KLHDC4: variants seen among roughly 807,000 people sequenced by gnomAD.
KLHDC4 encodes kelch domain containing 4, also known as kelch domain-containing protein 4.
In KLHDC4, 90 loss-of-function variants were observed where a neutral mutation model predicts 62.4. The observed-to-expected ratio is 1.44, with a 90% CI of 1.22 to 1.72. The LOEUF (loss-of-function observed/expected upper bound fraction) is 1.72, where lower values mean the gene tolerates loss of function less well. KLHDC4 is among the 40% of genes most tolerant of loss of function. The pLI is 0.00. For missense variants in KLHDC4, 1,025 were observed against 699.7 expected, an observed-to-expected ratio of 1.47 and a Z score of -5.25; for synonymous variants, 386 against 284.4, an observed-to-expected ratio of 1.36 and a Z score of -3.59.
At chr16:87,706,229 G>GGC (rs1555548183), downstream of KLHDC4, among the ~76,000 whole-genome samples, 1 of 103,764 alleles carries the variant, frequency 9.6e-6, no homozygotes, top group Non-Finnish European at 2.0e-5. Context: ...CCTCGGGGGG[G>GGC]GGTCAGCGCA....
Position 87,730,651 on chromosome 16 carries a change from T to C in KLHDC4, c.507-7A>G. 1 of 1,610,414 alleles carries C rather than the reference T, an allele frequency of 6.2e-7. No homozygotes were observed. The highest frequency in any genetic ancestry group is 8.5e-7 in the Non-Finnish European group (1 of 1,178,562). On this transcript the variant is annotated splice_region_variant and splice_polypyrimidine_tract_variant and intron_variant, in intron 5 of 11. Transcript: ENST00000270583. ...CGAAGGACCGCCTGTTGATCTAAAA[T>C]GAAATAAACAAAAAGACACTATCAA...
At chr16:87,761,819 C>T (rs1332738183) in intron 2 of KLHDC4, 130 bp downstream of exon 2, 3 of 906,768 alleles carry the variant, frequency 3.3e-6, no homozygotes, top group Non-Finnish European at 5.3e-6. Context: ...AGAAAGTGAC[C>T]AAGAACAGGT....
In KLHDC4 at chr16:87,708,052, C is replaced by G; in HGVS notation, c.*25G>C. 1 of 540,352 alleles carries G rather than the reference C, an allele frequency of 1.9e-6. No individual in the cohort carries two copies. The highest frequency in any genetic ancestry group is 2.8e-4 in the Middle Eastern group (1 of 3,562). 33.5% of individuals were successfully genotyped at this position (540,352 alleles called of 1,614,324 possible). A position where few individuals can be genotyped will look rare whatever the true frequency, so the allele number is the denominator to read the frequency against. ...GGGCGGACGTGGGCACAGCACTTGCCAGGCGCCCCTGGCAGGGGCTCTTCT... is the reference window on the plus strand; with the variant it reads ...GGGCGGACGTGGGCACAGCACTTGCGAGGCGCCCCTGGCAGGGGCTCTTCT... On this transcript the variant is annotated 3_prime_UTR_variant, in exon 12 of 12. Coordinates refer to ENST00000270583, the MANE Select transcript of KLHDC4 (RefSeq NM_017566.4).
At chr16:87,743,506 G>A (rs543542351) in intron 5 of KLHDC4, among the ~76,000 whole-genome samples, 11 of 152,082 alleles carry the variant, frequency 7.2e-5, no homozygotes, top group Admixed American at 6.5e-4. Context: ...TTGGGAGGCC[G>A]AGGTGGGTGG....
intron 4 of KLHDC4, among the ~76,000 whole-genome samples, chr16:87,749,912 G>T (rs1203719200): frequency 6.6e-6 from 1 of 152,214 alleles, no homozygotes; most frequent in East Asian, 1.9e-4. Flanking sequence ...TAAAGACTCA[G>T]CACCACAGTA....
chr16:87,740,727 C>G (rs962470830), intron 5 of KLHDC4: 1 of 152,192 alleles, frequency 6.6e-6, no homozygotes, highest in Non-Finnish European at 1.5e-5. Context: ...AGTCTTACAA[C>G]CCCCTCCTCT....
In KLHDC4 at chr16:87,744,186, T is replaced by TG. The variant is rs1435897042; in HGVS notation, c.506+4486dup. 2.6e-5 allele frequency among the ~76,000 whole-genome samples: 4 copies of TG among 151,552 alleles called. No homozygotes were observed. In the East Asian group the frequency reaches 7.8e-4, roughly 29 times the overall value. ...ATCCCAGCACTTTGTGAGACCGAGG[T>TG]GGGGGGATCACCTGAGGTCAGGAGT... On this transcript the variant is annotated intron_variant, in intron 5 of 11. Coordinates refer to ENST00000270583, the MANE Select transcript of KLHDC4 (RefSeq NM_017566.4).
chr16:87,762,006 G>C lies in KLHDC4; in HGVS notation c.134C>G (p.Thr45Arg), dbSNP rs745651825. 4 of 1,614,040 alleles carry C rather than the reference G, an allele frequency of 2.5e-6. No homozygotes were observed. Among genetic ancestry groups the C allele is most frequent in the Admixed American group, 3.3e-5 (2 of 59,982 alleles). ...DLEALIAHFQTLDAKRTQTVE... is the reference protein window; with the variant it reads ...DLEALIAHFQRLDAKRTQTVE... ...AGTCTGAGTCCTCTTGGCATCGAGT[G>C]TCTGGAAATGGGCTATGAGCGCTTC... Residue 45 changes from threonine to arginine, a missense_variant, in exon 2 of 12, where the codon ACA becomes AGA. Physicochemically the swap from Thr to Arg is moderately conservative, Grantham distance 71. Coordinates refer to ENST00000270583, the MANE Select transcript of KLHDC4 (RefSeq NM_017566.4).
intron 4 of KLHDC4, among the ~76,000 whole-genome samples, chr16:87,753,486 CTGTT>C (rs1373532345): frequency 6.6e-6 from 1 of 152,136 alleles, no homozygotes; most frequent in African/African-American, 2.4e-5. Context: ...AAATGCAACA[CTGTT>C]TGATAGGTGA....
At chr16:87,733,039 A>C (rs1300669551) in intron 5 of KLHDC4, among the ~76,000 whole-genome samples, 1 of 140,762 alleles carries the variant, frequency 7.1e-6, no homozygotes, top group Non-Finnish European at 1.5e-5. Flanking sequence ...CTATCGGTGA[A>C]AAGGCAGGTG....
chr16:87,763,008 C>G (rs964970735), intron 1 of KLHDC4, among the ~76,000 whole-genome samples: 7 of 152,204 alleles, frequency 4.6e-5, no homozygotes, highest in Admixed American at 1.3e-4. Context: ...CTGCCACGCC[C>G]CACCTCGTGC....
chr16:87,745,600 G>A (rs1233752298), intron 5 of KLHDC4, among the ~76,000 whole-genome samples: 2 of 152,192 alleles, frequency 1.3e-5, no homozygotes, highest in Non-Finnish European at 2.9e-5. Flanking sequence ...GCTAAGATGC[G>A]CTTGGAGCTG....
chr16:87,763,798 G>A (rs2046221322), intron 1 of KLHDC4, among the ~76,000 whole-genome samples: 1 of 152,210 alleles, frequency 6.6e-6, no homozygotes, highest in African/African-American at 2.4e-5. Context: ...GACTGAAGGA[G>A]AGCAAGGTGG....
downstream of KLHDC4, among the ~76,000 whole-genome samples, chr16:87,704,922 G>C (rs1483985940): frequency 3.3e-5 from 5 of 152,200 alleles, no homozygotes; most frequent in Non-Finnish European, 5.9e-5. Context: ...TGGCGCGCAT[G>C]GGCGGCAGGG....
downstream of KLHDC4, among the ~76,000 whole-genome samples, chr16:87,706,398 G>A (rs1597350703): frequency 1.5e-5 from 2 of 137,872 alleles, no homozygotes; most frequent in African/African-American, 2.8e-5. Context: ...GGGGTTGGTC[G>A]GCACAACACA....
At chr16:87,748,455 A>C (rs377547217) in intron 5 of KLHDC4, among the ~76,000 whole-genome samples, 17 of 152,294 alleles carry the variant, frequency 1.1e-4, no homozygotes, top group South Asian at 4.1e-4. Context: ...CTGGAGAACA[A>C]CACCAGGCAG....
intron 4 of KLHDC4, among the ~76,000 whole-genome samples, chr16:87,754,565 G>A (rs1471820082): frequency 6.6e-6 from 1 of 152,204 alleles, no homozygotes. Flanking sequence ...GTCACCTGAT[G>A]CGTTGATCTT....
chr16:87,763,743 C>T (rs1054443099), intron 1 of KLHDC4: 1 of 152,240 alleles, frequency 6.6e-6, no homozygotes, highest in Non-Finnish European at 1.5e-5. Flanking sequence ...GCTGCTGCTA[C>T]TTAGAGCGGT....
At chr16:87,754,223 G>A (rs995029714) in intron 4 of KLHDC4, among the ~76,000 whole-genome samples, 10 of 152,124 alleles carry the variant, frequency 6.6e-5, no homozygotes, top group Non-Finnish European at 1.5e-4. Flanking sequence ...AGGGGTGCCT[G>A]TAATCCCAGT....
Sources: allele counts gnomAD v4.1 joint callset (sites outside exome capture counted in the v4.1 genomes callset), GRCh38; gene constraint gnomAD v4.1.1; transcripts MANE v1.5; gene names NCBI Gene and HGNC (gene_info 2026-07-23, HGNC 2026-07-21).